The following BACH1 variants were observed in gnomAD, a reference collection of about 807,000 sequenced individuals.
BACH1 encodes transcription regulator protein BACH1.
A neutral mutation model predicts 52.9 loss-of-function variants in BACH1; 35 were observed. The observed-to-expected ratio is 0.66, with a 90% CI of 0.51 to 0.88. The LOEUF is 0.88. BACH1 is among the 40% of genes least tolerant of loss of function. The probability of loss-of-function intolerance (pLI) is 0.00; values close to 1 mark genes in which losing one functional copy is unlikely to be tolerated. For missense variants in BACH1, 808 were observed against 872.6 expected, an observed-to-expected ratio of 0.93 and a Z score of 0.93; for synonymous variants, 321 against 319.6, an observed-to-expected ratio of 1.00 and a Z score of -0.05.
intron 1 of BACH1, among the ~76,000 whole-genome samples, chr21:29,304,001 G>C (rs549185716): frequency 6.6e-5 from 10 of 152,272 alleles, no homozygotes; most frequent in Non-Finnish European, 1.5e-4. Context: ...TTACATTAAT[G>C]CAGCTGAAAT....
chr21:29,358,687 C>A (rs1336462115), intron 2 of BACH1, among the ~76,000 whole-genome samples: 1 of 151,098 alleles, frequency 6.6e-6, no homozygotes, highest in Non-Finnish European at 1.5e-5. Flanking sequence ...TTGCAGTAAG[C>A]TGAGATCACA....
chr21:29,352,689 ATTTGTT>A (rs2123489110), intron 2 of BACH1: 1 of 147,598 alleles, frequency 6.8e-6, no homozygotes, highest in African/African-American at 2.5e-5. Context: ...CTTGGCTAAT[ATTTGTT>A]TTTGTTGTTG....
intron 1 of BACH1, among the ~76,000 whole-genome samples, chr21:29,318,015 C>A (rs757234850): frequency 2.6e-5 from 4 of 151,940 alleles, no homozygotes; most frequent in Non-Finnish European, 5.9e-5. Context: ...GCCACTGGGC[C>A]TGTATTTTTC....
chr21:29,327,837 A>G (rs1236496862), intron 3 of BACH1, among the ~76,000 whole-genome samples: 1 of 152,220 alleles, frequency 6.6e-6, no homozygotes, highest in Non-Finnish European at 1.5e-5. Flanking sequence ...TTTTAAAAAC[A>G]CTGTGTGATA....
At chr21:29,307,228 C>T (rs140526653) in intron 1 of BACH1, among the ~76,000 whole-genome samples, 20 of 152,310 alleles carry the variant, frequency 1.3e-4, no homozygotes, top group Admixed American at 6.5e-5. Flanking sequence ...TTCCCCTCCT[C>T]GAAGGGAAAG....
Position 29,326,873 on chromosome 21 carries a change from C to T in BACH1, c.1049C>T (p.Pro350Leu), listed in dbSNP as rs2088918936. ...AACACAACAGTGTTAACAGAAAAGC[C>T]TTTGTCAGGTACAGACGTCCAAGAA... Reference protein sequence around the residue: ...MQNTTVLTEKPLSGTDVQEKT... With the variant: ...MQNTTVLTEKLLSGTDVQEKT... The change falls in exon 3 of 5, where the codon CCT (proline) becomes CTT (leucine). Residue 350 changes from proline to leucine, a missense_variant. Coordinates refer to ENST00000286800, the MANE Select transcript of BACH1 (RefSeq NM_001186.4). 1 of 1,614,062 alleles carries T rather than the reference C, an allele frequency of 6.2e-7. No individual in the cohort carries two copies. Among genetic ancestry groups the T allele is most frequent in the South Asian group, 1.1e-5 (1 of 91,084 alleles).
chr21:29,359,504 T>C (rs2089258488), intron 2 of BACH1: 1 of 151,140 alleles, frequency 6.6e-6, no homozygotes, highest in Admixed American at 6.6e-5. Context: ...CGAGTACTCA[T>C]GAATCTTGAG....
At chr21:29,323,107 C>T (rs999553806) in intron 2 of BACH1, among the ~76,000 whole-genome samples, 24 of 152,110 alleles carry the variant, frequency 1.6e-4, no homozygotes, top group African/African-American at 5.6e-4. Context: ...AACTCACTAT[C>T]CTAAAGACCT....
chr21:29,306,614 G>A (rs148739474), intron 1 of BACH1, among the ~76,000 whole-genome samples: 5 of 152,218 alleles, frequency 3.3e-5, no homozygotes, highest in East Asian at 1.9e-4. Context: ...GAGTAGATAC[G>A]TGAGCACAGT....
Position 29,321,086 on chromosome 21 carries a change from A to T in BACH1, c.-60-135A>T, listed in dbSNP as rs182161842. 5.4e-6 allele frequency: 3 copies of T among 553,584 alleles called. No individual in the cohort carries two copies. In the South Asian group the frequency reaches 7.7e-5, roughly 14 times the overall value. 34.3% of individuals were successfully genotyped at this position (553,584 alleles called of 1,614,324 possible). On this transcript the variant is annotated intron_variant, in intron 1 of 4. Transcript: ENST00000286800. ...ATTTTAAATGAAGTATATTGAATAAATGCCTCTAGGTTGTTCCTCTGGAGG... is the reference window on the plus strand; with the variant it reads ...ATTTTAAATGAAGTATATTGAATAATTGCCTCTAGGTTGTTCCTCTGGAGG...
chr21:29,356,680 G>GT (rs2089236475), intron 2 of BACH1, among the ~76,000 whole-genome samples: 1 of 152,270 alleles, frequency 6.6e-6, no homozygotes, highest in African/African-American at 2.4e-5. Flanking sequence ...AAGGCTATGG[G>GT]TTGTCAGTGG....
chr21:29,358,505 G>C (rs2089248261), intron 2 of BACH1, among the ~76,000 whole-genome samples: 2 of 152,130 alleles, frequency 1.3e-5, no homozygotes, highest in South Asian at 4.1e-4. Context: ...ACTTTGGGAG[G>C]CCGAGGCAAG....
chr21:29,322,032 G>A (rs1330935242), intron 2 of BACH1, among the ~76,000 whole-genome samples: 2 of 152,302 alleles, frequency 1.3e-5, no homozygotes, highest in East Asian at 3.9e-4. Context: ...AGGGACTTAC[G>A]TGGTGGTGGG....
intron 4 of BACH1, 149 bp from the exon 5 acceptor site, chr21:29,342,250 G>A: frequency 1.3e-6 from 1 of 799,060 alleles, no homozygotes; most frequent in Non-Finnish European, 1.9e-6. Flanking sequence ...TGGGCCTTTA[G>A]TATTTAATGT....
At chr21:29,321,101 TC>T in intron 1 of BACH1, 119 bp from the exon 2 acceptor site, 1 of 592,218 alleles carries the variant, frequency 1.7e-6, no homozygotes, top group Non-Finnish European at 2.9e-6. Context: ...TCTAGGTTGT[TC>T]CTCTGGAGGT....
In BACH1 at chr21:29,345,385, G is replaced by A. The variant is rs1007239173; in HGVS notation, c.*2552G>A. 6 of 152,156 alleles carry A rather than the reference G, an allele frequency of 3.9e-5. No homozygotes were observed. Among genetic ancestry groups the A allele is most frequent in the African/African-American group, 1.4e-4 (6 of 41,420 alleles). The allele number at this position is 152,156 out of a possible 1,614,324, so 9.4% of individuals were successfully genotyped here. A position where few individuals can be genotyped will look rare whatever the true frequency, so the allele number is the denominator to read the frequency against. On this transcript the variant is annotated 3_prime_UTR_variant, in exon 5 of 5. Coordinates refer to ENST00000286800, the MANE Select transcript of BACH1 (RefSeq NM_001186.4). ...CATGCAGAATTTTGAAATGTTTTCA[G>A]TTTGTATATTGCATATTCACATGAT...
At chr21:29,346,181 T>G (rs1025698562), downstream of BACH1, 2 of 152,220 alleles carry the variant, frequency 1.3e-5, no homozygotes, top group African/African-American at 4.8e-5. Flanking sequence ...ATTTTCTCAC[T>G]TCATGTGGAT....
rs189969446 is a variant in BACH1 at position 29,345,940 on chromosome 21, A to G, written c.*3107A>G. ...ACATTGATTTTTTTATATCTTTCAT[A>G]ATATAATTTTCTAACAATGCAATAA... is the stretch of plus-strand genomic sequence containing the variant. On this transcript the variant is annotated 3_prime_UTR_variant, in exon 5 of 5. Transcript: ENST00000286800. 6 of 152,722 alleles carry G rather than the reference A, an allele frequency of 3.9e-5. No homozygotes were observed. In the East Asian group the frequency reaches 1.2e-3, roughly 29 times the overall value. 9.5% of individuals were successfully genotyped at this position (152,722 alleles called of 1,614,324 possible). A position where few individuals can be genotyped will look rare whatever the true frequency, so the allele number is the denominator to read the frequency against.
intron 4 of BACH1, among the ~76,000 whole-genome samples, chr21:29,340,682 G>A (rs2089100807): frequency 6.6e-6 from 1 of 152,126 alleles, no homozygotes; most frequent in South Asian, 2.1e-4. Context: ...GCTGAATATT[G>A]CCATGAGTGA....
Sources: gnomAD v4.1 joint callset for allele counts (sites outside exome capture counted in the v4.1 genomes callset) on GRCh38, gnomAD v4.1.1 for gene constraint, MANE v1.5 for transcripts, NCBI Gene and HGNC (gene_info 2026-07-23, HGNC 2026-07-21) for gene names.